DIPK1A: variants seen among roughly 807,000 people sequenced by gnomAD.
DIPK1A encodes divergent protein kinase domain 1A.
A neutral mutation model predicts 40.8 loss-of-function variants in DIPK1A; 27 were observed. The ratio of observed to expected loss-of-function variants is 0.66; its 90% confidence interval spans 0.49 to 0.91. DIPK1A has a LOEUF of 0.91. Ranked by LOEUF, DIPK1A falls within the 40% of genes least tolerant of loss-of-function variation. The probability of loss-of-function intolerance (pLI) is 0.00; values close to 1 mark genes in which losing one functional copy is unlikely to be tolerated. For synonymous variants in DIPK1A, 166 were observed against 171.3 expected (o/e 0.97, Z 0.24); for missense variants, 412 against 505.7 (o/e 0.81, Z 1.78).
chr1:92,925,909 C>T (rs1314181080), intron 1 of DIPK1A, among the ~76,000 whole-genome samples: 1 of 152,072 alleles, frequency 6.6e-6, no homozygotes, highest in African/African-American at 2.4e-5. Context: ...TTTTAGAATT[C>T]GATTATCTTT....
At chr1:92,945,531 G>C (rs1651327664) in intron 1 of DIPK1A, among the ~76,000 whole-genome samples, 1 of 152,154 alleles carries the variant, frequency 6.6e-6, no homozygotes, top group South Asian at 2.1e-4. Flanking sequence ...TCATATTTTA[G>C]GGGGTACTAA....
intron 2 of DIPK1A, among the ~76,000 whole-genome samples, chr1:92,852,804 G>C (rs1016903965): frequency 3.9e-5 from 6 of 152,162 alleles, no homozygotes; most frequent in Admixed American, 1.3e-4. Flanking sequence ...ACTTTGGGAG[G>C]CTGGGCAGGC....
chr1:92,867,797 T>C (rs1211649031), intron 2 of DIPK1A, among the ~76,000 whole-genome samples: 1 of 152,142 alleles, frequency 6.6e-6, no homozygotes, highest in East Asian at 1.9e-4. Flanking sequence ...TGAGCCACCG[T>C]GCCCGGCCGT....
intron 1 of DIPK1A, among the ~76,000 whole-genome samples, chr1:92,914,034 CAT>C (rs1365450931): frequency 1.3e-5 from 2 of 151,868 alleles, no homozygotes; most frequent in Non-Finnish European, 2.9e-5. Context: ...ATATAATATA[CAT>C]AGACACTCCA....
At chr1:92,952,646 A>G (rs990102225) in intron 1 of DIPK1A, among the ~76,000 whole-genome samples, 1 of 152,118 alleles carries the variant, frequency 6.6e-6, no homozygotes, top group African/African-American at 2.4e-5. Flanking sequence ...TACAGTTTAT[A>G]TTTTCTGAAA....
At chr1:92,884,894 ATC>A (rs1648527193) in intron 1 of DIPK1A, among the ~76,000 whole-genome samples, 1 of 152,236 alleles carries the variant, frequency 6.6e-6, no homozygotes, top group South Asian at 2.1e-4. Flanking sequence ...CTCTTGGAGT[ATC>A]CAGGGGCTGA....
chr1:92,846,809 A>ATATATATATGTGTG lies in DIPK1A; in HGVS notation c.474+373_474+374insCACACATATATATA, dbSNP rs1687620953. Among the ~76,000 whole-genome samples, 8 of 2,816 alleles carry ATATATATATGTGTG rather than the reference A, an allele frequency of 2.8e-3. 1 individual carries two copies. The highest frequency in any genetic ancestry group is 0.25 in the East Asian group (2 of 8). The allele number at this position is 2,816 out of a possible 152,430, so 1.8% of individuals were successfully genotyped here. Reference sequence around the variant, plus strand: ...ACTCCTGGCATATATATATATATATATATATATATATATATATATATATAT... The same window carrying ATATATATATGTGTG: ...ACTCCTGGCATATATATATATATATATATATATATGTGTGTATATATATATATATATATATATAT... On this transcript the variant is annotated intron_variant, in intron 4 of 4. Coordinates refer to ENST00000370310, the MANE Select transcript of DIPK1A (RefSeq NM_001006605.5).
intron 1 of DIPK1A, among the ~76,000 whole-genome samples, chr1:92,936,154 T>TA (rs1451657191): frequency 1.3e-5 from 2 of 152,152 alleles, no homozygotes; most frequent in Admixed American, 6.5e-5. Flanking sequence ...ATCTCTACTA[T>TA]AAAAAAGCTG....
chr1:92,914,668 C>T (rs2100841980), intron 1 of DIPK1A, among the ~76,000 whole-genome samples: 1 of 151,294 alleles, frequency 6.6e-6, no homozygotes, highest in South Asian at 2.1e-4. Context: ...ACTTGGGAGA[C>T]TGAGGCAGGA....
intron 1 of DIPK1A, among the ~76,000 whole-genome samples, chr1:92,889,689 A>C (rs2774952): frequency 0.68 from 103,504 of 151,160 alleles, 35,916 homozygotes; most frequent in East Asian, 0.95. Flanking sequence ...ACTCTGTCAC[A>C]CAGGCTGGAG....
In DIPK1A at chr1:92,843,462, A is replaced by C; in HGVS notation, c.1208T>G (p.Met403Arg). 1 of 1,551,336 alleles carries C rather than the reference A, an allele frequency of 6.4e-7. No individual in the cohort carries two copies. Among genetic ancestry groups the C allele is most frequent in the Non-Finnish European group, 8.7e-7 (1 of 1,146,740 alleles). The change falls in exon 5 of 5, where the codon ATG (methionine) becomes AGG (arginine). Residue 403 changes from methionine to arginine, a missense_variant. Physicochemically the swap from Met to Arg is moderately conservative, Grantham distance 91. Coordinates refer to ENST00000370310, the MANE Select transcript of DIPK1A (RefSeq NM_001006605.5). The part of the protein sequence containing the change: ...CIALKVTANQ[M>R]EMEHSLILNN... Reference sequence around the variant, plus strand: ...TAGTATCAAAGAATGTTCCATTTCCATTTGATTTGCTGTGACTTTGAGAGC... The same window carrying C: ...TAGTATCAAAGAATGTTCCATTTCCCTTTGATTTGCTGTGACTTTGAGAGC...
At chr1:92,876,902 T>C in intron 1 of DIPK1A, 18 of 805,964 alleles carry the variant, frequency 2.2e-5, no homozygotes, top group Non-Finnish European at 2.7e-5. Context: ...TGTCTCATAC[T>C]GACAACCAGA....
chr1:92,910,725 G>A (rs1649796706), intron 1 of DIPK1A, among the ~76,000 whole-genome samples: 3 of 152,132 alleles, frequency 2.0e-5, no homozygotes, highest in African/African-American at 4.8e-5. Flanking sequence ...ATATGCAGCT[G>A]TAAGAAAGAA....
At chr1:92,862,736 T>TA (rs1451886321) in intron 2 of DIPK1A, among the ~76,000 whole-genome samples, 2 of 152,230 alleles carry the variant, frequency 1.3e-5, no homozygotes, top group Non-Finnish European at 2.9e-5. Flanking sequence ...TACCATGAGA[T>TA]ACAAGGTCTG....
Position 92,833,122 on chromosome 1 carries a change from A to G in DIPK1A, c.475-88T>C, listed in dbSNP as rs145309245. Reference sequence around the variant, plus strand: ...ATTTTATACCTGTTAAATGTAATAAATTGGGGCCTGCATTTTGTATGTTTC... The same window carrying G: ...ATTTTATACCTGTTAAATGTAATAAGTTGGGGCCTGCATTTTGTATGTTTC... On this transcript the variant is annotated intron_variant, in intron 4 of 4. Transcript: ENST00000615519. 1,018 of 680,740 alleles carry G rather than the reference A, an allele frequency of 1.5e-3. 4 individuals carry two copies. Among genetic ancestry groups the G allele is most frequent in the Non-Finnish European group, 2.2e-3 (846 of 376,044 alleles). The allele number at this position is 680,740 out of a possible 1,614,324, so 42.2% of individuals were successfully genotyped here. A position where few individuals can be genotyped will look rare whatever the true frequency, so the allele number is the denominator to read the frequency against.
chr1:92,875,226 T>C (rs1047764457), intron 2 of DIPK1A, among the ~76,000 whole-genome samples: 2 of 152,210 alleles, frequency 1.3e-5, no homozygotes, highest in Non-Finnish European at 2.9e-5. Context: ...CTCATTTTCT[T>C]TCCTGATCCA....
Position 92,961,403 on chromosome 1 carries a change from G to A in DIPK1A, c.27C>T (p.Ala9=). 2 of 1,532,656 alleles carry A rather than the reference G, an allele frequency of 1.3e-6. No individual in the cohort carries two copies. Among genetic ancestry groups the A allele is most frequent in the South Asian group, 1.2e-5 (1 of 84,658 alleles). 94.9% of individuals were successfully genotyped at this position (1,532,656 alleles called of 1,614,324 possible). Residue 9 remains alanine, a synonymous_variant, in exon 1 of 5, where the codon GCC becomes GCT. Transcript: ENST00000370310. MARSLCPG[A]WLRKPYYLQA... ...GGAGGTAATAGGGTTTCCTTAGCCA[G>A]GCCCCCGGACAGAGACTCCTCGCCA...
intron 1 of DIPK1A, among the ~76,000 whole-genome samples, chr1:92,917,925 T>C (rs1650117955): frequency 6.6e-6 from 1 of 152,164 alleles, no homozygotes. Context: ...CCATTTTATA[T>C]AAACAATAAA....
chr1:92,833,876 C>T (rs1367126853), intron 4 of DIPK1A: 11 of 550,554 alleles, frequency 2.0e-5, no homozygotes, highest in Non-Finnish European at 3.2e-5. Flanking sequence ...CCCAGCACTT[C>T]GGGAAGATTG....
Sources: allele counts gnomAD v4.1 joint callset (sites outside exome capture counted in the v4.1 genomes callset), GRCh38; gene constraint gnomAD v4.1.1; transcripts MANE v1.5; gene names NCBI Gene and HGNC (gene_info 2026-07-23, HGNC 2026-07-21).